The following OPA1 variants were observed in gnomAD, a reference collection of about 807,000 sequenced individuals.
The protein encoded by OPA1 is OPA1 mitochondrial dynamin like GTPase.
OPA1 carries 59 observed loss-of-function variants against 152.9 expected under a neutral mutation model. The ratio of observed to expected loss-of-function variants is 0.39; its 90% confidence interval spans 0.31 to 0.48. The LOEUF (loss-of-function observed/expected upper bound fraction) is 0.48, where lower values mean the gene tolerates loss of function less well. Among genes scored for constraint, OPA1 ranks in the 20% least tolerant of loss-of-function variants. The pLI, the probability that OPA1 is intolerant of heterozygous loss-of-function variation, is 0.96. For missense variants in OPA1, 1,008 were observed against 1,216.8 expected, an observed-to-expected ratio of 0.83 and a Z score of 2.55; for synonymous variants, 400 against 389.9, an observed-to-expected ratio of 1.03 and a Z score of -0.31.
intron 11 of OPA1, among the ~76,000 whole-genome samples, chr3:193,639,583 G>C (rs552590980): frequency 6.6e-6 from 1 of 152,178 alleles, no homozygotes; most frequent in Admixed American, 6.5e-5. Flanking sequence ...AGCCATGGTC[G>C]GGGCAAATGA....
At chr3:193,660,182 C>A (rs1714917805) in intron 25 of OPA1, among the ~76,000 whole-genome samples, 1 of 152,060 alleles carries the variant, frequency 6.6e-6, no homozygotes, top group African/African-American at 2.4e-5. Context: ...ATTTTTCTTG[C>A]CTTATTTTAT....
intron 11 of OPA1, 129 bp downstream of exon 11, chr3:193,638,194 T>A: frequency 1.3e-6 from 1 of 754,598 alleles, no homozygotes. Context: ...GAATGATCCC[T>A]AGTGTGGAAA....
At chr3:193,601,662 A>G (rs1438090947) in intron 1 of OPA1, among the ~76,000 whole-genome samples, 4 of 152,228 alleles carry the variant, frequency 2.6e-5, no homozygotes, top group Non-Finnish European at 5.9e-5. Flanking sequence ...TTGTACTAAC[A>G]TAAGTAATTC....
intron 23 of OPA1, 131 bp downstream of exon 23, chr3:193,657,363 T>C (rs903292991): frequency 3.3e-6 from 3 of 898,816 alleles, no homozygotes; most frequent in Non-Finnish European, 5.2e-6. Context: ...AAGAAACAGA[T>C]TTATGATCTG....
intron 29 of OPA1, among the ~76,000 whole-genome samples, chr3:193,689,323 C>A (rs887936880): frequency 4.6e-5 from 7 of 152,200 alleles, no homozygotes; most frequent in African/African-American, 1.7e-4. Context: ...TCCGTTCACA[C>A]CTCCTACCCC....
At chr3:193,671,724 A>G (rs1460201712) in intron 29 of OPA1, among the ~76,000 whole-genome samples, 4 of 152,218 alleles carry the variant, frequency 2.6e-5, no homozygotes, top group Admixed American at 2.6e-4. Context: ...TGGTCTTGCA[A>G]CTTTTCTGTA....
chr3:193,643,920 A>T, intron 15 of OPA1, 55 bp from the exon 16 acceptor site: 1 of 1,583,186 alleles, frequency 6.3e-7, no homozygotes, highest in South Asian at 1.1e-5. Context: ...ACTGAGTTTT[A>T]AAAGTCTACT....
rs141500296 is a variant in OPA1, at chr3:193,660,083, A to C, written c.2520+522A>C. Reference sequence around the variant, plus strand: ...AGGATTGCTTGAGCCTGGGAGATCGAAGCTGCAGGGAAAATAACTTGTGAA... The same window carrying C: ...AGGATTGCTTGAGCCTGGGAGATCGCAGCTGCAGGGAAAATAACTTGTGAA... On this transcript the variant is annotated intron_variant, in intron 25 of 30. Coordinates refer to ENST00000361510, the MANE Select transcript of OPA1 (RefSeq NM_130837.3). Among the ~76,000 whole-genome samples, 222 of 152,288 alleles carry C rather than the reference A, an allele frequency of 1.5e-3. 1 individual carries two copies. Among genetic ancestry groups the C allele is most frequent in the African/African-American group, 4.1e-3 (172 of 41,552 alleles).
At chr3:193,634,341 C>T (rs1283993606) in intron 8 of OPA1, among the ~76,000 whole-genome samples, 1 of 149,944 alleles carries the variant, frequency 6.7e-6, no homozygotes, top group African/African-American at 2.4e-5. Context: ...TTATATGATT[C>T]TTTTTGATTT....
Position 193,696,642 on chromosome 3 carries a change from G to T in OPA1, c.*2042G>T, listed in dbSNP as rs1012515548. The stretch of plus-strand genomic sequence containing the variant: ...GTCTCAAGAGTAAACCCTGTGTCTT[G>T]TGTCTGTAGTTCAAAAGTCAGAAAT... On this transcript the variant is annotated 3_prime_UTR_variant, in exon 31 of 31. Coordinates refer to ENST00000361510, the MANE Select transcript of OPA1 (RefSeq NM_130837.3). 5 of 152,066 alleles carry T rather than the reference G, an allele frequency of 3.3e-5. No homozygotes were observed. Among genetic ancestry groups the T allele is most frequent in the African/African-American group, 1.2e-4 (5 of 41,402 alleles). 9.4% of individuals were successfully genotyped at this position (152,066 alleles called of 1,614,324 possible). A position where few individuals can be genotyped will look rare whatever the true frequency, so the allele number is the denominator to read the frequency against.
chr3:193,645,915 G>A, intron 18 of OPA1, 115 bp downstream of exon 18: 1 of 878,776 alleles, frequency 1.1e-6, no homozygotes. Context: ...CGGATTTCTA[G>A]AATTTTTCCC....
At chr3:193,694,279 C>A (rs1322747938) in intron 30 of OPA1, among the ~76,000 whole-genome samples, 1 of 152,180 alleles carries the variant, frequency 6.6e-6, no homozygotes, top group Non-Finnish European at 1.5e-5. Flanking sequence ...ACCAAGGACC[C>A]TAAGGAATAC....
chr3:193,676,777 C>A (rs111892537), intron 29 of OPA1, among the ~76,000 whole-genome samples: 12 of 152,100 alleles, frequency 7.9e-5, no homozygotes, highest in East Asian at 5.8e-4. Context: ...TCAGGAGATC[C>A]AGACCATCCT....
intron 1 of OPA1, among the ~76,000 whole-genome samples, chr3:193,610,850 G>A: frequency 6.6e-6 from 1 of 152,268 alleles, no homozygotes; most frequent in South Asian, 2.1e-4. Flanking sequence ...GCGGGATATA[G>A]TCTCCTGGTG....
At chr3:193,639,598 A>G (rs1733450159) in intron 11 of OPA1, among the ~76,000 whole-genome samples, 1 of 152,228 alleles carries the variant, frequency 6.6e-6, no homozygotes, top group East Asian at 1.9e-4. Flanking sequence ...AAATGATGAC[A>G]TTAGAGGAAT....
chr3:193,594,391 T>TTTTTG (rs1725171131), intron 1 of OPA1, among the ~76,000 whole-genome samples: 1 of 152,178 alleles, frequency 6.6e-6, no homozygotes, highest in Admixed American at 6.5e-5. Context: ...CGTTAGTTTG[T>TTTTTG]TTTTGTTTTG....
At chr3:193,646,422 A>G (rs1198600741) in intron 18 of OPA1, 2 of 152,464 alleles carry the variant, frequency 1.3e-5, no homozygotes, top group Non-Finnish European at 2.9e-5. Context: ...AGTTATTAAA[A>G]TTTAAATTAG....
At chr3:193,692,490 T>C (rs746439680) in intron 30 of OPA1, among the ~76,000 whole-genome samples, 1 of 152,224 alleles carries the variant, frequency 6.6e-6, no homozygotes, top group Non-Finnish European at 1.5e-5. Context: ...TAATGATGTG[T>C]ATGTTAAATA....
chr3:193,662,785 A>C, intron 25 of OPA1, 37 bp from the exon 26 acceptor site: 1 of 1,589,086 alleles, frequency 6.3e-7, no homozygotes, highest in South Asian at 1.1e-5. Context: ...CAAATTATGA[A>C]CCATCTAAAC....
Sources: allele counts gnomAD v4.1 joint callset (sites outside exome capture counted in the v4.1 genomes callset), GRCh38; gene constraint gnomAD v4.1.1; transcripts MANE v1.5; gene names NCBI Gene and HGNC (gene_info 2026-07-23, HGNC 2026-07-21).